FBN2: variants seen among roughly 807,000 people sequenced by gnomAD.
FBN2 encodes fibrillin-2.
FBN2 carries 105 observed loss-of-function variants against 355.6 expected under a neutral mutation model. The observed-to-expected ratio is 0.30, with a 90% CI of 0.25 to 0.35. The LOEUF is 0.35. FBN2 is among the 10% of genes least tolerant of loss of function. The probability of loss-of-function intolerance (pLI) is 1.00; values close to 1 mark genes in which losing one functional copy is unlikely to be tolerated. For missense variants in FBN2, 3,280 were observed against 3,758.7 expected (o/e 0.87, Z 3.33); for synonymous variants, 1,350 against 1,301.2 (o/e 1.04, Z -0.81).
rs1255072365 is a variant in FBN2 at position 128,392,054 on chromosome 5, T to C, written c.1567A>G (p.Met523Val). 1.2e-6 allele frequency: 2 copies of C among 1,613,832 alleles called. No individual in the cohort carries two copies. Among genetic ancestry groups the C allele is most frequent in the African/African-American group, 1.3e-5 (1 of 75,052 alleles). Residue 523 changes from methionine (M) to valine (V), a missense_variant, in exon 11 of 65, where the codon ATG (methionine) becomes GTG (valine). Physicochemically the swap from Met to Val is conservative, Grantham distance 21. Transcript: ENST00000262464. ...CCATTTGCATCCTGCTTATAACCCA[T>C]GTTGCATTCACATCGGTAGCTTGAG... ...TVSSYRCECN[M>V]GYKQDANGDC...
chr5:128,537,882 G>T lies in FBN2; in HGVS notation c.-279C>A. The T allele has an allele frequency of 1.8e-6, 1 of 550,298 alleles. No homozygotes were observed. 34.1% of individuals were successfully genotyped at this position (550,298 alleles called of 1,614,324 possible). ...CCCGAGCGGTACACGTTGCATAACC[G>T]GCCTAAAGCCCCGAGCGACTCCAGG... On this transcript the variant is annotated 5_prime_UTR_variant, in exon 1 of 65. Coordinates refer to ENST00000262464, the MANE Select transcript of FBN2 (RefSeq NM_001999.4).
chr5:128,306,881 G>T (rs1294852475), intron 42 of FBN2, among the ~76,000 whole-genome samples: 1 of 152,192 alleles, frequency 6.6e-6, no homozygotes, highest in African/African-American at 2.4e-5. Context: ...TGAAGCTTTA[G>T]CTTGGTGGAT....
intron 4 of FBN2, among the ~76,000 whole-genome samples, chr5:128,521,533 A>T (rs922334332): frequency 6.6e-6 from 1 of 152,234 alleles, no homozygotes; most frequent in Non-Finnish European, 1.5e-5. Flanking sequence ...ATACAATTAA[A>T]TTTTTAAAAA....
intron 2 of FBN2, among the ~76,000 whole-genome samples, chr5:128,530,997 C>G (rs1361286534): frequency 6.6e-6 from 1 of 152,050 alleles, no homozygotes; most frequent in Non-Finnish European, 1.5e-5. Flanking sequence ...TCCAGCAATA[C>G]CACTACTGGG....
chr5:128,400,221 T>C (rs532591123), intron 8 of FBN2, among the ~76,000 whole-genome samples: 7 of 151,378 alleles, frequency 4.6e-5, no homozygotes, highest in African/African-American at 7.3e-5. Flanking sequence ...TATTTTGTGA[T>C]ACAAAATAAA....
chr5:128,391,602 C>T (rs1166156475), intron 11 of FBN2, among the ~76,000 whole-genome samples: 1 of 151,936 alleles, frequency 6.6e-6, no homozygotes, highest in African/African-American at 2.4e-5. Flanking sequence ...AGTCTGAGAC[C>T]GACATATTTG....
intron 5 of FBN2, among the ~76,000 whole-genome samples, chr5:128,486,608 C>T (rs1755343411): frequency 6.6e-6 from 1 of 152,106 alleles, no homozygotes; most frequent in South Asian, 2.1e-4. Context: ...CTTACAAGAA[C>T]TCTATTCCTG....
Position 128,309,399 on chromosome 5 carries a change from T to A in FBN2, c.5201A>T (p.Asp1734Val). The change falls in exon 41 of 65, where the codon GAC becomes GTC. Residue 1734 changes from aspartate to valine, a missense_variant and splice_region_variant. Coordinates refer to ENST00000262464, the MANE Select transcript of FBN2 (RefSeq NM_001999.4). Reference sequence around the variant, plus strand: ...TCGGTAGCAAAAGCTTTTTCTCATGTCTATATAAAGAAAAACAAAGAAACT... The same window carrying A: ...TCGGTAGCAAAAGCTTTTTCTCATGACTATATAAAGAAAAACAAAGAAACT... ...MQVNGGHNCM[D>V]MRKSFCYRSY... The A allele has an allele frequency of 6.2e-7, 1 of 1,613,564 alleles. No individual in the cohort carries two copies. The highest frequency in any genetic ancestry group is 8.5e-7 in the Non-Finnish European group (1 of 1,179,594).
At position 128,272,021 on chromosome 5, in the gene FBN2, G is replaced by C. The variant is rs886038837; in HGVS notation, c.7938C>G (p.His2646Gln). Residue 2646 changes from histidine (H) to glutamine (Q), a missense_variant, in exon 62 of 65, where the codon CAC becomes CAG. Physicochemically the swap from His to Gln is conservative, Grantham distance 24. Coordinates refer to ENST00000262464, the MANE Select transcript of FBN2 (RefSeq NM_001999.4). ...RCGCPQGYIQ[H>Q]YQWNQCVDEN... is the part of the protein sequence containing the mutation. ...CACCGACACACTGATTCCACTGGTAGTGCTGGATGTAGCCTTGGGGGCAGC... is the reference window on the plus strand; with the variant it reads ...CACCGACACACTGATTCCACTGGTACTGCTGGATGTAGCCTTGGGGGCAGC... 6.2e-7 allele frequency: 1 copy of C among 1,614,082 alleles called. No individual in the cohort carries two copies. Among genetic ancestry groups the C allele is most frequent in the Non-Finnish European group, 8.5e-7 (1 of 1,179,974 alleles).
intron 7 of FBN2, among the ~76,000 whole-genome samples, chr5:128,415,370 T>A (rs916428103): frequency 1.1e-4 from 16 of 152,158 alleles, no homozygotes; most frequent in African/African-American, 3.9e-4. Flanking sequence ...TGGCCAAACA[T>A]CCTTCCCAGC....
At chr5:128,360,929 T>C (rs1751623908) in intron 19 of FBN2, among the ~76,000 whole-genome samples, 1 of 152,184 alleles carries the variant, frequency 6.6e-6, no homozygotes, top group African/African-American at 2.4e-5. Flanking sequence ...GAGAATGTTA[T>C]GGGACCCTTC....
At chr5:128,397,564 G>C (rs895989443) in intron 8 of FBN2, among the ~76,000 whole-genome samples, 5 of 152,148 alleles carry the variant, frequency 3.3e-5, no homozygotes, top group Non-Finnish European at 7.4e-5. Context: ...TGGTTGGTGG[G>C]AGAATGAAAT....
At chr5:128,424,085 G>C (rs331086) in intron 7 of FBN2, among the ~76,000 whole-genome samples, 95 of 151,950 alleles carry the variant, frequency 6.3e-4, no homozygotes, top group Admixed American at 2.8e-3. Context: ...CTGAAGACTC[G>C]GTCTGTGTAT....
intron 5 of FBN2, among the ~76,000 whole-genome samples, chr5:128,517,111 A>G (rs1412524325): frequency 1.3e-5 from 2 of 152,204 alleles, no homozygotes; most frequent in African/African-American, 4.8e-5. Context: ...TGTAAAATAT[A>G]TGTAAATCTT....
chr5:128,328,372 A>G (rs1316696701), intron 34 of FBN2: 1 of 575,558 alleles, frequency 1.7e-6, no homozygotes, highest in African/African-American at 1.9e-5. Context: ...GTAATGGAGC[A>G]TACTTTAAAA....
At chr5:128,308,372 C>T (rs1312146515) in intron 41 of FBN2, among the ~76,000 whole-genome samples, 12 of 152,184 alleles carry the variant, frequency 7.9e-5, no homozygotes, top group Non-Finnish European at 4.4e-5. Flanking sequence ...CTAAGAAAAT[C>T]CATTTGACCA....
chr5:128,375,009 C>T (rs1035846953), intron 14 of FBN2, among the ~76,000 whole-genome samples: 5 of 152,012 alleles, frequency 3.3e-5, no homozygotes, highest in Admixed American at 1.3e-4. Context: ...TCCCATTTAA[C>T]GCTAAATAAT....
intron 41 of FBN2, among the ~76,000 whole-genome samples, chr5:128,307,414 C>G (rs1749913998): frequency 1.3e-5 from 2 of 151,940 alleles, no homozygotes; most frequent in African/African-American, 2.4e-5. Flanking sequence ...TTCTATTACT[C>G]TCATTAACTT....
chr5:128,449,742 A>G (rs1454656401), intron 6 of FBN2, among the ~76,000 whole-genome samples: 1 of 151,964 alleles, frequency 6.6e-6, no homozygotes, highest in East Asian at 1.9e-4. Context: ...GAAAAATTCC[A>G]TTAAAAAGTC....
Sources: gnomAD v4.1 joint callset for allele counts (sites outside exome capture counted in the v4.1 genomes callset) on GRCh38, gnomAD v4.1.1 for gene constraint, MANE v1.5 for transcripts, NCBI Gene and HGNC (gene_info 2026-07-23, HGNC 2026-07-21) for gene names.